Variants in DCAF6 observed in about 807,000 individuals in gnomAD.
DCAF6 encodes the protein DDB1- and CUL4-associated factor 6.
In DCAF6, 54 loss-of-function variants were observed where a neutral mutation model predicts 125.1. The ratio of observed to expected loss-of-function variants is 0.43; its 90% CI spans 0.35 to 0.54. The LOEUF (loss-of-function observed/expected upper bound fraction) is 0.54, where lower values mean the gene tolerates loss of function less well. DCAF6 is among the 20% of genes least tolerant of loss of function. The pLI is 0.01. For missense variants in DCAF6, 934 were observed against 1,161.7 expected, an observed-to-expected ratio of 0.80 and a Z score of 2.85; for synonymous variants, 371 against 390.4, an observed-to-expected ratio of 0.95 and a Z score of 0.58.
chr1:167,922,479 T>A, the DCAF6 span, among the ~76,000 whole-genome samples: 1 of 152,070 alleles, frequency 6.6e-6, no homozygotes, highest in Non-Finnish European at 1.5e-5. Context: ...TCAATTCCAC[T>A]ATAAAGATAT....
At chr1:168,062,390 A>G (rs1327149925) in intron 17 of DCAF6, among the ~76,000 whole-genome samples, 2 of 152,106 alleles carry the variant, frequency 1.3e-5, no homozygotes, top group Non-Finnish European at 2.9e-5. Context: ...TTTCCCGTAT[A>G]TGTGTTATAT....
At chr1:167,923,891 GCA>G in the DCAF6 span, among the ~76,000 whole-genome samples, 2 of 152,138 alleles carry the variant, frequency 1.3e-5, no homozygotes, top group African/African-American at 4.8e-5. Flanking sequence ...ACTTTGAGAA[GCA>G]CAGTTATAGA....
chr1:167,924,571 A>C, the DCAF6 span: 1 of 1,454,242 alleles, frequency 6.9e-7, no homozygotes, highest in East Asian at 2.4e-5. Flanking sequence ...ATTCAGGAAT[A>C]AACCAAATAT....
In DCAF6 at chr1:168,045,782, T is replaced by C. The variant is rs79741161; in HGVS notation, c.2258+555T>C. ...TAAAAAATTGAATTGCCAACATGTTTTTATAGTTTTTCTATATTTTATGTG... is the reference window on the plus strand; with the variant it reads ...TAAAAAATTGAATTGCCAACATGTTCTTATAGTTTTTCTATATTTTATGTG... On this transcript the variant is annotated intron_variant, in intron 16 of 21. Coordinates refer to ENST00000367840, the MANE Select transcript of DCAF6 (RefSeq NM_001198956.2). Among the ~76,000 whole-genome samples, 703 of 152,276 alleles carry C rather than the reference T, an allele frequency of 4.6e-3. 8 individuals carry two copies. In the East Asian group the frequency reaches 0.058, roughly 12 times the overall value.
At chr1:167,959,397 G>T (rs1405019777) in intron 2 of DCAF6, among the ~76,000 whole-genome samples, 1 of 152,186 alleles carries the variant, frequency 6.6e-6, no homozygotes, top group African/African-American at 2.4e-5. Flanking sequence ...TGTATGTGTG[G>T]ACATACGTTT....
At chr1:167,877,179 C>A in the DCAF6 span, among the ~76,000 whole-genome samples, 1 of 151,060 alleles carries the variant, frequency 6.6e-6, no homozygotes, top group African/African-American at 2.4e-5. Flanking sequence ...ATAGACAAGT[C>A]ATTTAACATC....
At chr1:167,906,622 CAAAAAA>C in the DCAF6 span, among the ~76,000 whole-genome samples, 2 of 109,510 alleles carry the variant, frequency 1.8e-5, no homozygotes, top group East Asian at 5.7e-4. Flanking sequence ...CCCATCTCTA[CAAAAAA>C]AAAAAAAAAA....
upstream of DCAF6, among the ~76,000 whole-genome samples, chr1:167,935,247 A>G (rs1671069006): frequency 6.6e-6 from 1 of 152,216 alleles, no homozygotes; most frequent in African/African-American, 2.4e-5. Context: ...GATGAAGTAA[A>G]GCATGCAGTT....
At chr1:167,977,937 T>A (rs986052851) in intron 4 of DCAF6, among the ~76,000 whole-genome samples, 6 of 152,164 alleles carry the variant, frequency 3.9e-5, no homozygotes, top group African/African-American at 1.4e-4. Flanking sequence ...AGTTTTCTGT[T>A]TTTTCTAATA....
chr1:168,049,672 T>TG (rs1220352751), intron 16 of DCAF6, among the ~76,000 whole-genome samples: 5 of 139,912 alleles, frequency 3.6e-5, no homozygotes, highest in African/African-American at 1.4e-4. Flanking sequence ...TTTTTTTTTT[T>TG]GGAGACGGAG....
At chr1:168,045,317 A>C (rs1689031171) in intron 16 of DCAF6, 90 bp downstream of exon 16, 1 of 1,193,148 alleles carries the variant, frequency 8.4e-7, no homozygotes, top group South Asian at 1.6e-5. Context: ...TCCATTTTTG[A>C]CAGTTGCTTC....
At position 167,987,625 on chromosome 1, in the gene DCAF6, T is replaced by C; in HGVS notation, c.552+17T>C. ...TGTAAAGATGTAAGAATTAAATTTT[T>C]ATACAAATGATGCAGAAAAAATTAA... On this transcript the variant is annotated intron_variant, in intron 5 of 21. Transcript: ENST00000367840. The C allele has an allele frequency of 7.7e-7, 1 of 1,293,446 alleles. No homozygotes were observed. Among genetic ancestry groups the C allele is most frequent in the Middle Eastern group, 1.9e-4 (1 of 5,158 alleles). The allele number at this position is 1,293,446 out of a possible 1,614,324, so 80.1% of individuals were successfully genotyped here. A position where few individuals can be genotyped will look rare whatever the true frequency, so the allele number is the denominator to read the frequency against.
At chr1:167,985,207 G>GTA (rs1553223580) in intron 4 of DCAF6, among the ~76,000 whole-genome samples, 1 of 147,064 alleles carries the variant, frequency 6.8e-6, no homozygotes, top group Admixed American at 6.8e-5. Flanking sequence ...GTGTGTGTGT[G>GTA]TGTGGTGTGT....
chr1:167,993,156 T>C, intron 6 of DCAF6, 70 bp from the exon 7 acceptor site: 1 of 1,303,126 alleles, frequency 7.7e-7, no homozygotes, highest in Non-Finnish European at 1.1e-6. Flanking sequence ...ATAATTCAGA[T>C]TAAGAGTTTT....
chr1:167,990,244 T>C (rs1680643811), intron 5 of DCAF6, among the ~76,000 whole-genome samples: 1 of 152,152 alleles, frequency 6.6e-6, no homozygotes, highest in Non-Finnish European at 1.5e-5. Flanking sequence ...GGTGTGCACC[T>C]GTAGTCCTAG....
chr1:167,995,582 A>G (rs1681529439), intron 7 of DCAF6, among the ~76,000 whole-genome samples: 1 of 151,592 alleles, frequency 6.6e-6, no homozygotes. Flanking sequence ...TGGGAGGTTG[A>G]GGCAGGAGAA....
chr1:168,004,657 C>T lies in DCAF6; in HGVS notation c.1242C>T (p.Ser414=). The T allele has an allele frequency of 6.2e-7, 1 of 1,613,916 alleles. No homozygotes were observed. Among genetic ancestry groups the T allele is most frequent in the Non-Finnish European group, 8.5e-7 (1 of 1,179,898 alleles). Residue 414 remains serine (S), a synonymous_variant, in exon 10 of 22, where the codon TCC becomes TCT. Coordinates refer to ENST00000367840, the MANE Select transcript of DCAF6 (RefSeq NM_001198956.2). ...PAEQFLQPST[S]STMSAQAHST... ...AACAATTTCTTCAGCCTTCTACATC[C>T]TCTACAATGTCAGCTCAGGCTCATT...
chr1:167,942,680 G>T (rs1672439529), intron 1 of DCAF6, among the ~76,000 whole-genome samples: 1 of 151,556 alleles, frequency 6.6e-6, no homozygotes, highest in African/African-American at 2.4e-5. Flanking sequence ...CTTACATTTA[G>T]GTCTGTGAAC....
chr1:168,074,026 G>C (rs1461367528), intron 21 of DCAF6, among the ~76,000 whole-genome samples: 1 of 149,458 alleles, frequency 6.7e-6, no homozygotes, highest in African/African-American at 2.5e-5. Flanking sequence ...TTATAGATCA[G>C]TAAGGAATTG....
Sources: allele counts gnomAD v4.1 joint callset (sites outside exome capture counted in the v4.1 genomes callset), GRCh38; gene constraint gnomAD v4.1.1; transcripts MANE v1.5; gene names NCBI Gene and HGNC (gene_info 2026-07-23, HGNC 2026-07-21).